The following ALPK3 variants were observed in gnomAD, a reference collection of about 807,000 sequenced individuals.
ALPK3 encodes the protein alpha kinase 3.
A neutral mutation model predicts 140.0 loss-of-function variants in ALPK3; 102 were observed. The ratio of observed to expected loss-of-function variants is 0.73; its 90% CI spans 0.62 to 0.86. ALPK3 has a LOEUF of 0.86. Ranked by LOEUF, ALPK3 falls within the 40% of genes least tolerant of loss-of-function variation. The pLI is 0.00. For missense variants in ALPK3, 2,254 were observed against 2,208.2 expected (o/e 1.02, Z -0.42); for synonymous variants, 938 against 898.5 (o/e 1.04, Z -0.79).
chr15:84,851,636 G>T (rs186063146), intron 5 of ALPK3, among the ~76,000 whole-genome samples: 2 of 152,086 alleles, frequency 1.3e-5, no homozygotes, highest in African/African-American at 4.8e-5. Context: ...GTGTGTGTGT[G>T]TCTGTGTATT....
chr15:84,873,372 C>T lies in ALPK3; in HGVS notation c.*4916C>T, dbSNP rs1964098223. ...AACATTTGGTCCAGATTTGTATTAGCCAAGCCCTCCTAAAATAGTAATAAC... is the reference window on the plus strand; with the variant it reads ...AACATTTGGTCCAGATTTGTATTAGTCAAGCCCTCCTAAAATAGTAATAAC... On this transcript the variant is annotated 3_prime_UTR_variant, in exon 14 of 14. Coordinates refer to ENST00000258888, the MANE Select transcript of ALPK3 (RefSeq NM_020778.5). The T allele has an allele frequency of 6.6e-6, 1 of 152,152 alleles. No individual in the cohort carries two copies. Among genetic ancestry groups the T allele is most frequent in the South Asian group, 2.1e-4 (1 of 4,822 alleles). 9.4% of individuals were successfully genotyped at this position (152,152 alleles called of 1,614,324 possible). A position where few individuals can be genotyped will look rare whatever the true frequency, so the allele number is the denominator to read the frequency against.
chr15:84,844,585 A>G (rs934871908), intron 5 of ALPK3, among the ~76,000 whole-genome samples: 3 of 151,964 alleles, frequency 2.0e-5, no homozygotes, highest in Non-Finnish European at 2.9e-5. Context: ...GGCCGAGCGC[A>G]GTGGTTCACG....
chr15:84,847,804 A>T (rs1310216869), intron 5 of ALPK3, among the ~76,000 whole-genome samples: 1 of 152,224 alleles, frequency 6.6e-6, no homozygotes, highest in Non-Finnish European at 1.5e-5. Flanking sequence ...CACGCCTGTA[A>T]TCCCAGCACT....
At chr15:84,863,046 G>A (rs1422616675) in intron 10 of ALPK3, 131 bp downstream of exon 10, 6 of 1,287,100 alleles carry the variant, frequency 4.7e-6, no homozygotes, top group Admixed American at 4.9e-5. Context: ...AGGCTCCTAG[G>A]AGGACCTTGT....
rs763970372 is a variant in ALPK3 at position 84,858,494 on chromosome 15, C to T, written c.3756C>T (p.Ala1252=). 14 of 1,581,898 alleles carry T rather than the reference C, an allele frequency of 8.9e-6. No homozygotes were observed. The highest frequency in any genetic ancestry group is 1.2e-5 in the Non-Finnish European group (14 of 1,170,184). The change falls in exon 6 of 14, where the codon GCC becomes GCT. Residue 1252 remains alanine (A), a synonymous_variant. Transcript: ENST00000258888. ...PKAGGLDTEV[A]LDEGKQETLA... ...CCGGCGGTCTGGACACAGAGGTGGC[C>T]CTGGATGAAGGCAAGCAGGAGACAC...
chr15:84,848,315 A>G (rs1963760287), intron 5 of ALPK3, among the ~76,000 whole-genome samples: 1 of 152,180 alleles, frequency 6.6e-6, no homozygotes, highest in Non-Finnish European at 1.5e-5. Context: ...GACAAATACA[A>G]CATAAAGGGG....
intron 2 of ALPK3, among the ~76,000 whole-genome samples, chr15:84,824,701 G>A (rs756630268): frequency 6.6e-6 from 1 of 152,160 alleles, no homozygotes; most frequent in Non-Finnish European, 1.5e-5. Context: ...GCGAGGTTAG[G>A]TTCCACTGAA....
intron 7 of ALPK3, 127 bp from the exon 8 acceptor site, chr15:84,859,649 G>C: frequency 1.4e-6 from 2 of 1,400,012 alleles, no homozygotes; most frequent in Non-Finnish European, 1.9e-6. Flanking sequence ...CCCTGGAATC[G>C]CGCTGCTTCC....
intron 9 of ALPK3, among the ~76,000 whole-genome samples, chr15:84,860,902 T>C (rs1313383245): frequency 3.3e-5 from 5 of 152,350 alleles, no homozygotes; most frequent in Non-Finnish European, 7.3e-5. Context: ...TTTGTATTTT[T>C]AGTAGAGATG....
rs780087441 is a variant in ALPK3 at position 84,827,521 on chromosome 15, G to A, written c.220G>A (p.Glu74Lys). ...CTCCATCATTGCTCAGCTCACAGAGGAGACCCAGCCGCTATTTGAGACCAC... is the reference window on the plus strand; with the variant it reads ...CTCCATCATTGCTCAGCTCACAGAGAAGACCCAGCCGCTATTTGAGACCAC... Reference protein sequence around the residue: ...FCSIIAQLTEETQPLFETTLK... With the variant: ...FCSIIAQLTEKTQPLFETTLK... The change falls in exon 3 of 14, where the codon GAG (glutamate) becomes AAG (lysine). Residue 74 changes from glutamate (E) to lysine (K), a missense_variant. Glu to Lys is a moderately conservative substitution (Grantham distance 56, BLOSUM62 1). Transcript: ENST00000258888. The A allele has an allele frequency of 1.2e-6, 2 of 1,614,054 alleles. No individual in the cohort carries two copies. Among genetic ancestry groups the A allele is most frequent in the African/African-American group, 2.7e-5 (2 of 74,942 alleles).
At chr15:84,846,609 C>G (rs887114267) in intron 5 of ALPK3, among the ~76,000 whole-genome samples, 2 of 152,030 alleles carry the variant, frequency 1.3e-5, no homozygotes, top group African/African-American at 4.8e-5. Flanking sequence ...ACACTTGAAC[C>G]CAGGATGTTG....
At position 84,862,899 on chromosome 15, in the gene ALPK3, A is replaced by G. The variant is rs771616717; in HGVS notation, c.4394A>G (p.Tyr1465Cys). The change falls in exon 10 of 14, where the codon TAC becomes TGC. Residue 1465 changes from tyrosine to cysteine, a missense_variant. This residue lies in a region of ALPK3 where 2,088 missense variants were observed against 2,022.9 expected (regional missense o/e 1.03). Coordinates refer to ENST00000258888, the MANE Select transcript of ALPK3 (RefSeq NM_020778.5). ...SSETSLVGRN[Y>C]DVTIQGCKIQ... ...GAGACTTCTCTTGTGGGCAGAAACT[A>G]CGACGTCACCATCCAGGTACTATGT... is the stretch of plus-strand genomic sequence containing the variant. 2.5e-6 allele frequency: 4 copies of G among 1,613,688 alleles called. No individual in the cohort carries two copies. Among genetic ancestry groups the G allele is most frequent in the African/African-American group, 1.3e-5 (1 of 74,894 alleles).
At chr15:84,819,187 T>G (rs982116313) in intron 1 of ALPK3, among the ~76,000 whole-genome samples, 1 of 152,228 alleles carries the variant, frequency 6.6e-6, no homozygotes, top group African/African-American at 2.4e-5. Context: ...ATTGTACACC[T>G]CATGAGCACA....
intron 2 of ALPK3, among the ~76,000 whole-genome samples, chr15:84,826,249 A>G (rs1963487436): frequency 6.6e-6 from 1 of 152,234 alleles, no homozygotes; most frequent in Admixed American, 6.5e-5. Flanking sequence ...GGAGGGTTCT[A>G]GATCCTGTTT....
intron 13 of ALPK3, 119 bp downstream of exon 13, chr15:84,867,484 A>T: frequency 8.7e-7 from 1 of 1,144,384 alleles, no homozygotes; most frequent in Non-Finnish European, 1.3e-6. Flanking sequence ...GGTCCCAGAC[A>T]CACCCATGGC....
At position 84,839,914 on chromosome 15, in the gene ALPK3, C is replaced by G. The variant is rs3803403; in HGVS notation, c.635C>G (p.Thr212Ser). The change falls in exon 5 of 14, where the codon ACT becomes AGT. Residue 212 changes from threonine (T) to serine (S), a missense_variant. Physicochemically the swap from Thr to Ser is moderately conservative, Grantham distance 58. Transcript: ENST00000258888. ...HEKAVPGEVD[T>S]LRKLSPDRFQ... The stretch of plus-strand genomic sequence containing the variant: ...AAGGCGGTGCCTGGGGAGGTCGACA[C>G]TCTGCGCAAGCTCAGCCCCGACCGC... The G allele has an allele frequency of 0.24, 394,620 of 1,613,744 alleles. 51,654 individuals are homozygous for G. The highest frequency in any genetic ancestry group is 0.38 in the Middle Eastern group (2,282 of 6,050).
chr15:84,840,509 A>T lies in ALPK3; in HGVS notation c.1230A>T (p.Glu410Asp). 1 of 1,611,544 alleles carries T rather than the reference A, an allele frequency of 6.2e-7. No individual in the cohort carries two copies. The highest frequency in any genetic ancestry group is 1.1e-5 in the South Asian group (1 of 90,736). Residue 410 changes from glutamate to aspartate, a missense_variant, in exon 5 of 14, where the codon GAA (glutamate) becomes GAT (aspartate). Glu to Asp is a conservative substitution (Grantham distance 45, BLOSUM62 2). Transcript: ENST00000258888. ...CCCCTGGCCCAGGCCCAGGCCAGGA[A>T]GTGTATTTCTCCTTGAAGGACATGT... ...QKAPGPGPGQEVYFSLKDMYL... is the reference protein window; with the variant it reads ...QKAPGPGPGQDVYFSLKDMYL...
At chr15:84,832,350 T>C (rs1321341503) in intron 3 of ALPK3, among the ~76,000 whole-genome samples, 1 of 152,234 alleles carries the variant, frequency 6.6e-6, no homozygotes, top group Admixed American at 6.5e-5. Flanking sequence ...TTGCTCCTAT[T>C]ACTCTCCTTG....
intron 3 of ALPK3, among the ~76,000 whole-genome samples, chr15:84,832,824 T>C (rs949044483): frequency 6.6e-6 from 1 of 152,222 alleles, no homozygotes; most frequent in African/African-American, 2.4e-5. Flanking sequence ...TAACAGCGGC[T>C]GCAGTGGGGA....
Sources: gnomAD v4.1 joint callset for allele counts (sites outside exome capture counted in the v4.1 genomes callset) on GRCh38, gnomAD v4.1.1 for gene constraint, gnomAD v4.1.1 regional missense constraint, MANE v1.5 for transcripts, NCBI Gene and HGNC (gene_info 2026-07-23, HGNC 2026-07-21) for gene names.